Variants in GGNBP2 observed in about 807,000 individuals in gnomAD.
GGNBP2 encodes gametogenetin binding protein 2, also known as gametogenetin-binding protein 2.
GGNBP2 carries 10 observed loss-of-function variants against 85.9 expected under a neutral mutation model. That is an observed-to-expected ratio of 0.12 (90% CI 0.07 to 0.20). The LOEUF is 0.20. GGNBP2 is among the 10% of genes least tolerant of loss of function. The pLI is 1.00. For synonymous variants in GGNBP2, 287 were observed against 285.7 expected (o/e 1.00, Z -0.05); for missense variants, 595 against 857.8 (o/e 0.69, Z 3.83).
At chr17:36,562,176 T>A (rs1258393158) in intron 5 of GGNBP2, among the ~76,000 whole-genome samples, 11 of 152,142 alleles carry the variant, frequency 7.2e-5, no homozygotes, top group Admixed American at 7.2e-4. Flanking sequence ...TATCTTTTAA[T>A]TATTTTTTTG....
At chr17:36,583,586 G>C (rs1291854297) in intron 9 of GGNBP2, among the ~76,000 whole-genome samples, 1 of 152,068 alleles carries the variant, frequency 6.6e-6, no homozygotes, top group Non-Finnish European at 1.5e-5. Flanking sequence ...AGCCTCCCAA[G>C]TAGCTGGGAC....
chr17:36,579,827 A>G (rs1455886362), intron 8 of GGNBP2, among the ~76,000 whole-genome samples: 2 of 152,118 alleles, frequency 1.3e-5, no homozygotes, highest in Non-Finnish European at 2.9e-5. Context: ...CCTGACCAAT[A>G]TGATGAAACC....
chr17:36,582,785 G>A (rs1262026654), intron 9 of GGNBP2, among the ~76,000 whole-genome samples: 1 of 152,092 alleles, frequency 6.6e-6, no homozygotes, highest in Non-Finnish European at 1.5e-5. Context: ...ATGACCTAGA[G>A]CAGTTCTCAA....
chr17:36,549,765 G>T (rs185087747), intron 2 of GGNBP2, among the ~76,000 whole-genome samples: 2 of 152,142 alleles, frequency 1.3e-5, no homozygotes, highest in East Asian at 3.9e-4. Context: ...TCCACTGTTG[G>T]ACATGGAGGT....
chr17:36,575,016 T>C (rs2074562448), intron 6 of GGNBP2: 6 of 1,528,134 alleles, frequency 3.9e-6, no homozygotes, highest in Non-Finnish European at 5.3e-6. Flanking sequence ...ACTGGCATAA[T>C]CTTCAAAACC....
intron 2 of GGNBP2, among the ~76,000 whole-genome samples, chr17:36,548,615 CAAAAAAAAAAAAAAAAAAAAAAA>C (rs71159614): frequency 2.1e-4 from 5 of 23,724 alleles, no homozygotes; most frequent in African/African-American, 3.9e-4. Flanking sequence ...GACTCTGTCT[CAAAAAAAAAAAAAAAAAAAAAAA>C]AAAAAAAAAA....
In GGNBP2 at chr17:36,571,647, C is replaced by A. The variant is rs944214882; in HGVS notation, c.641+3871C>A. Reference sequence around the variant, plus strand: ...ATGAGGTCAGGAGATTGAGACTATCCTGGCTAACACTGTGAAACCCCATCT... The same window carrying A: ...ATGAGGTCAGGAGATTGAGACTATCATGGCTAACACTGTGAAACCCCATCT... On this transcript the variant is annotated intron_variant, in intron 6 of 13. Coordinates refer to ENST00000613102, the MANE Select transcript of GGNBP2 (RefSeq NM_024835.5). Among the ~76,000 whole-genome samples, 5 of 151,966 alleles carry A rather than the reference C, an allele frequency of 3.3e-5. No homozygotes were observed. In the East Asian group the frequency reaches 9.7e-4, roughly 29 times the overall value.
chr17:36,568,032 TCTC>T (rs1258878601), intron 6 of GGNBP2, among the ~76,000 whole-genome samples: 3 of 152,074 alleles, frequency 2.0e-5, no homozygotes, highest in African/African-American at 7.2e-5. Context: ...TTCAAGAGAT[TCTC>T]CTGCCTCAGC....
intron 12 of GGNBP2, 178 bp from the exon 13 acceptor site, chr17:36,586,819 A>G (rs2074706211): frequency 3.5e-6 from 2 of 575,478 alleles, no homozygotes; most frequent in African/African-American, 3.7e-5. Flanking sequence ...GCATTTGACC[A>G]TGTTGGCCAG....
intron 1 of GGNBP2, 174 bp from the exon 2 acceptor site, chr17:36,545,445 C>T (rs2074240947): frequency 2.7e-6 from 1 of 369,466 alleles, no homozygotes; most frequent in African/African-American, 2.6e-5. Flanking sequence ...GAGCGCGGCG[C>T]GAGGGGGGCG....
chr17:36,549,404 CT>C (rs2074287281), intron 2 of GGNBP2, among the ~76,000 whole-genome samples: 1 of 152,108 alleles, frequency 6.6e-6, no homozygotes, highest in Non-Finnish European at 1.5e-5. Context: ...GGGGGTTTCC[CT>C]ATGTTGGCCA....
intron 4 of GGNBP2, 127 bp downstream of exon 4, chr17:36,557,463 T>A: frequency 1.3e-6 from 1 of 764,058 alleles, no homozygotes; most frequent in Non-Finnish European, 2.1e-6. Flanking sequence ...AAGTTGTATG[T>A]ACCAGTGGAT....
At position 36,575,648 on chromosome 17, in the gene GGNBP2, A is replaced by AT. The variant is rs71274856; in HGVS notation, c.642-2320dup. On this transcript the variant is annotated intron_variant, in intron 6 of 13. Transcript: ENST00000613102. ...TATATATATATATATATATATATAT[A>AT]TTTTTTTTTTTTTTTGAGATGGAGT... Among the ~76,000 whole-genome samples, 74 of 54,908 alleles carry AT rather than the reference A, an allele frequency of 1.3e-3. 1 individual carries two copies. Among genetic ancestry groups the AT allele is most frequent in the African/African-American group, 4.1e-3 (38 of 9,190 alleles). 36.0% of individuals were successfully genotyped at this position (54,908 alleles called of 152,430 possible).
intron 2 of GGNBP2, among the ~76,000 whole-genome samples, chr17:36,552,131 A>G (rs1283542313): frequency 6.6e-6 from 1 of 152,214 alleles, no homozygotes; most frequent in African/African-American, 2.4e-5. Context: ...ATATAAATCA[A>G]GGTATTAGTT....
rs77455958 is a variant in GGNBP2 at position 36,579,618 on chromosome 17, T to TA, written c.1020+206dup. 6.7e-3 allele frequency among the ~76,000 whole-genome samples: 1,028 copies of TA among 152,300 alleles called. 31 individuals are homozygous for TA. In the East Asian group the frequency reaches 0.11, roughly 16 times the overall value. Reference sequence around the variant, plus strand: ...GGGATTTAGAAGAAGTTGATGGATTTAAAAAAATGTTTTTAATCCTGTTAA... The same window carrying TA: ...GGGATTTAGAAGAAGTTGATGGATTTAAAAAAAATGTTTTTAATCCTGTTAA... On this transcript the variant is annotated intron_variant, in intron 8 of 13. Coordinates refer to ENST00000613102, the MANE Select transcript of GGNBP2 (RefSeq NM_024835.5).
At chr17:36,583,382 C>T (rs552661869) in intron 9 of GGNBP2, among the ~76,000 whole-genome samples, 3 of 151,952 alleles carry the variant, frequency 2.0e-5, no homozygotes, top group African/African-American at 4.8e-5. Flanking sequence ...TCTGCTTCTG[C>T]ATTCAATCTG....
At chr17:36,572,193 T>C (rs2074532544) in intron 6 of GGNBP2, among the ~76,000 whole-genome samples, 1 of 152,226 alleles carries the variant, frequency 6.6e-6, no homozygotes, top group Non-Finnish European at 1.5e-5. Flanking sequence ...TAAACTACTA[T>C]GAGAGTATAA....
At chr17:36,579,853 A>G (rs1440379459) in intron 8 of GGNBP2, among the ~76,000 whole-genome samples, 24 of 152,102 alleles carry the variant, frequency 1.6e-4, no homozygotes. Flanking sequence ...TCTACTAAAA[A>G]TACAAAAATT....
At chr17:36,570,804 T>C (rs905158968) in intron 6 of GGNBP2, among the ~76,000 whole-genome samples, 5 of 152,076 alleles carry the variant, frequency 3.3e-5, no homozygotes, top group African/African-American at 9.7e-5. Context: ...GCAGATCACA[T>C]GAGGCCAGGA....
Sources: gnomAD v4.1 joint callset for allele counts (sites outside exome capture counted in the v4.1 genomes callset) on GRCh38, gnomAD v4.1.1 for gene constraint, MANE v1.5 for transcripts, NCBI Gene and HGNC (gene_info 2026-07-23, HGNC 2026-07-21) for gene names.